SLC24A5: variants seen among roughly 807,000 people sequenced by gnomAD.
SLC24A5 encodes solute carrier family 24 member 5, also known as sodium/potassium/calcium exchanger 5.
Under a neutral mutation model 51.6 loss-of-function variants are expected in SLC24A5, and 46 were observed. The ratio of observed to expected loss-of-function variants is 0.89; its 90% CI spans 0.70 to 1.14. SLC24A5 has a LOEUF of 1.14. SLC24A5 is among the 50% of genes most tolerant of loss of function. The pLI is 0.00. For synonymous variants in SLC24A5, 230 were observed against 214.9 expected (o/e 1.07, Z -0.62); for missense variants, 581 against 604.1 (o/e 0.96, Z 0.40).
At chr15:48,127,017 T>C (rs766438963) in intron 2 of SLC24A5, among the ~76,000 whole-genome samples, 8 of 152,136 alleles carry the variant, frequency 5.3e-5, no homozygotes, top group African/African-American at 1.9e-4. Flanking sequence ...CACACTCTTA[T>C]AGAGAGACAA....
intron 2 of SLC24A5, among the ~76,000 whole-genome samples, chr15:48,128,448 A>G (rs2038754421): frequency 6.6e-6 from 1 of 152,216 alleles, no homozygotes; most frequent in South Asian, 2.1e-4. Context: ...GCTTTGGACT[A>G]ATATTTGCTT....
At position 48,136,740 on chromosome 15, in the gene SLC24A5, T is replaced by C. The variant is rs374944618; in HGVS notation, c.648T>C (p.Phe216=). The C allele has an allele frequency of 7.4e-6, 12 of 1,613,472 alleles. No homozygotes were observed. The highest frequency in any genetic ancestry group is 1.3e-5 in the African/African-American group (1 of 74,918). The change falls in exon 6 of 9, where the codon TTT becomes TTC. Residue 216 remains phenylalanine (F), a synonymous_variant. Coordinates refer to ENST00000341459, the MANE Select transcript of SLC24A5 (RefSeq NM_205850.3). ...IYGLYVLVLC[F]DIKINQYIIK... ...GATTGTATGTTTTGGTGCTGTGTTT[T>C]GACATTAAAATTAACCAATATATTA...
chr15:48,127,521 T>C (rs1165977223), intron 2 of SLC24A5, among the ~76,000 whole-genome samples: 4 of 152,240 alleles, frequency 2.6e-5, no homozygotes, highest in Admixed American at 1.3e-4. Context: ...TAAATATCTC[T>C]GGAATATTCT....
chr15:48,131,529 C>T (rs752977640), intron 2 of SLC24A5, among the ~76,000 whole-genome samples: 26 of 152,022 alleles, frequency 1.7e-4, no homozygotes, highest in Non-Finnish European at 3.4e-4. Flanking sequence ...CCACCTCTCT[C>T]TCTTACTTCC....
rs779060779 is a variant in SLC24A5 at position 48,122,025 on chromosome 15, T to C, written c.290T>C (p.Ile97Thr). ...CDEYFLPSLE[I>T]ISESLGLSQD... is the part of the protein sequence containing the mutation. ...GAATACTTCCTACCCTCCCTGGAAA[T>C]CATCAGTGAATGTAAGTGGCTGGAA... Residue 97 changes from isoleucine (I) to threonine (T), a missense_variant, in exon 2 of 9, where the codon ATC becomes ACC. By Grantham distance (89) the Ile-to-Thr change is moderately conservative (BLOSUM62 -1). Coordinates refer to ENST00000341459, the MANE Select transcript of SLC24A5 (RefSeq NM_205850.3). 1.1e-5 allele frequency: 18 copies of C among 1,614,228 alleles called. No homozygotes were observed. The highest frequency in any genetic ancestry group is 8.9e-5 in the East Asian group (4 of 44,888).
intron 2 of SLC24A5, among the ~76,000 whole-genome samples, chr15:48,131,264 T>TA (rs1335556321): frequency 1.3e-5 from 2 of 152,166 alleles, no homozygotes; most frequent in Non-Finnish European, 2.9e-5. Context: ...ACACACTGGT[T>TA]AGAGTGATTA....
rs1240496196 is a variant in SLC24A5, at chr15:48,141,178, C to T, written c.1144C>T (p.Pro382Ser). Residue 382 changes from proline to serine, a missense_variant, in exon 8 of 9, where the codon CCA becomes TCA. Physicochemically the swap from Pro to Ser is moderately conservative, Grantham distance 74. Transcript: ENST00000341459. ...TTTATTAGCAGCAGGAACAAGCATA[C>T]CAGACACAATTGCAAGTGTGTTGGT... ...LTLLAAGTSI[P>S]DTIASVLVAR... The T allele has an allele frequency of 6.2e-7, 1 of 1,613,834 alleles. No individual in the cohort carries two copies. The highest frequency in any genetic ancestry group is 1.7e-4 in the Middle Eastern group (1 of 6,060).
intron 2 of SLC24A5, among the ~76,000 whole-genome samples, chr15:48,128,921 G>A (rs1381963929): frequency 3.9e-5 from 6 of 152,120 alleles, no homozygotes; most frequent in Non-Finnish European, 8.8e-5. Context: ...CAGCTTCTTG[G>A]TGTCAAAAAG....
In SLC24A5 at chr15:48,122,144, A is replaced by C. The variant is rs573974570; in HGVS notation, c.301+108A>C. 9.7e-5 allele frequency: 113 copies of C among 1,168,084 alleles called. 1 individual carries two copies. The African/African-American group carries it at 1.4e-3, about 15-fold the overall frequency. The allele number at this position is 1,168,084 out of a possible 1,614,324, so 72.4% of individuals were successfully genotyped here. ...TGTCCTGTACTTCTCAACTGGTTGC[A>C]GAGCACCAGCTTCTTGTTGTGGGGT... On this transcript the variant is annotated intron_variant, in intron 2 of 8. Transcript: ENST00000341459.
At chr15:48,135,660 C>A (rs2038877380) in intron 5 of SLC24A5, 1 of 151,516 alleles carries the variant, frequency 6.6e-6, no homozygotes, top group Non-Finnish European at 1.5e-5. Context: ...TAAAACACAG[C>A]TACACAGGTT....
intron 1 of SLC24A5, among the ~76,000 whole-genome samples, chr15:48,121,609 G>T (rs1474371559): frequency 6.6e-6 from 1 of 152,160 alleles, no homozygotes; most frequent in Non-Finnish European, 1.5e-5. Flanking sequence ...GTGATTTCAT[G>T]ATTTCCTCTT....
At chr15:48,137,102 T>C (rs1265062705) in intron 6 of SLC24A5, 139 bp downstream of exon 6, 3 of 853,448 alleles carry the variant, frequency 3.5e-6, no homozygotes, top group African/African-American at 3.4e-5. Context: ...ACCAAGTCCC[T>C]ACCTTTAAGG....
chr15:48,121,937 G>A lies in SLC24A5; in HGVS notation c.202G>A (p.Gly68Ser), dbSNP rs1217465086. The part of the protein sequence containing the change: ...FFTRQERRDG[G>S]IIIYFLIIVY... ...CACGAGACAGGAGCGCAGAGATGGA[G>A]GCATCATAATCTATTTCCTAATTAT... The change falls in exon 2 of 9, where the codon GGC becomes AGC. Residue 68 changes from glycine (G) to serine (S), a missense_variant. Transcript: ENST00000341459. 3 of 1,614,026 alleles carry A rather than the reference G, an allele frequency of 1.9e-6. No homozygotes were observed. The African/African-American group carries it at 4.0e-5, about 22-fold the overall frequency.
In SLC24A5 at chr15:48,136,756, C is replaced by G. The variant is rs1567226618; in HGVS notation, c.664C>G (p.Gln222Glu). 1.9e-6 allele frequency: 3 copies of G among 1,613,138 alleles called. No individual in the cohort carries two copies. Among genetic ancestry groups the G allele is most frequent in the Non-Finnish European group, 2.5e-6 (3 of 1,179,640 alleles). ...LVLCFDIKIN[Q>E]YIIKKCSPCC... The stretch of plus-strand genomic sequence containing the variant: ...GCTGTGTTTTGACATTAAAATTAAC[C>G]AATATATTATAAAGAAATGCAGTCC... Residue 222 changes from glutamine (Q) to glutamate (E), a missense_variant, in exon 6 of 9, where the codon CAA (glutamine) becomes GAA (glutamate). Transcript: ENST00000341459.
At chr15:48,126,686 TG>T (rs2038735512) in intron 2 of SLC24A5, among the ~76,000 whole-genome samples, 1 of 152,116 alleles carries the variant, frequency 6.6e-6, no homozygotes, top group Admixed American at 6.5e-5. Context: ...ATGGATACCC[TG>T]AGGGGTGTGT....
intron 2 of SLC24A5, among the ~76,000 whole-genome samples, chr15:48,129,061 TA>T (rs1439952242): frequency 6.6e-6 from 1 of 152,106 alleles, no homozygotes; most frequent in Non-Finnish European, 1.5e-5. Flanking sequence ...CTTCATAAGA[TA>T]GGCTAAGAGC....
Position 48,121,090 on chromosome 15 carries a change from C to T in SLC24A5, c.46C>T (p.Leu16Phe). The T allele has an allele frequency of 6.2e-7, 1 of 1,613,946 alleles. No homozygotes were observed. The highest frequency in any genetic ancestry group is 8.5e-7 in the Non-Finnish European group (1 of 1,179,928). Residue 16 changes from leucine to phenylalanine, a missense_variant, in exon 1 of 9, where the codon CTC becomes TTC. Transcript: ENST00000341459. ...GQTWARRALL[L>F]GILWATAHLP... ...AACATGGGCGAGAAGGGCTCTGTTGCTCGGCATCCTGTGGGCCACTGCACA... is the reference window on the plus strand; with the variant it reads ...AACATGGGCGAGAAGGGCTCTGTTGTTCGGCATCCTGTGGGCCACTGCACA...
intron 7 of SLC24A5, chr15:48,140,891 CT>C (rs1486067514): frequency 4.8e-6 from 2 of 414,576 alleles, no homozygotes; most frequent in Non-Finnish European, 8.9e-6. Flanking sequence ...TGTTACGTAT[CT>C]TTAGATATGT....
chr15:48,123,985 G>A (rs1424114560), intron 2 of SLC24A5: 1 of 151,808 alleles, frequency 6.6e-6, no homozygotes, highest in Non-Finnish European at 1.5e-5. Context: ...GGGGTATTCT[G>A]TCTCTTTCTT....
Sources: allele counts gnomAD v4.1 joint callset (sites outside exome capture counted in the v4.1 genomes callset), GRCh38; gene constraint gnomAD v4.1.1; transcripts MANE v1.5; gene names NCBI Gene and HGNC (gene_info 2026-07-23, HGNC 2026-07-21).